The following CPVL variants were observed in gnomAD, a reference collection of about 807,000 sequenced individuals.
CPVL encodes the protein carboxypeptidase vitellogenic like, also known as probable serine carboxypeptidase CPVL.
A neutral mutation model predicts 63.7 loss-of-function variants in CPVL; 51 were observed. The ratio of observed to expected loss-of-function variants is 0.80; its 90% CI spans 0.64 to 1.01. CPVL has a LOEUF of 1.01. Among genes scored for constraint, CPVL ranks in the 50% least tolerant of loss-of-function variants. The pLI is 0.00. For missense variants in CPVL, 530 were observed against 573.1 expected (o/e 0.92, Z 0.77); for synonymous variants, 195 against 206.0 (o/e 0.95, Z 0.46).
At chr7:29,055,299 G>A (rs1188137893) in intron 11 of CPVL, among the ~76,000 whole-genome samples, 2 of 152,052 alleles carry the variant, frequency 1.3e-5, no homozygotes, top group Non-Finnish European at 2.9e-5. Context: ...ACCCAAACTG[G>A]AGTGCAGTGG....
At chr7:29,016,753 G>C (rs1446513546) in intron 12 of CPVL, among the ~76,000 whole-genome samples, 1 of 152,164 alleles carries the variant, frequency 6.6e-6, no homozygotes, top group Non-Finnish European at 1.5e-5. Context: ...AGCATGCAGT[G>C]ATCTTAAGTT....
At chr7:29,077,122 G>C (rs1038136118) in intron 7 of CPVL, among the ~76,000 whole-genome samples, 1 of 152,114 alleles carries the variant, frequency 6.6e-6, no homozygotes, top group African/African-American at 2.4e-5. Context: ...TTTCAAGGAA[G>C]GGAAAAAGAT....
chr7:29,154,871 G>A (rs957046088), intron 5 of CPVL, among the ~76,000 whole-genome samples: 8 of 152,122 alleles, frequency 5.3e-5, no homozygotes, highest in African/African-American at 1.7e-4. Flanking sequence ...AGACATACTC[G>A]AGACTGGGCA....
chr7:29,055,062 T>C (rs1790589659), intron 11 of CPVL, among the ~76,000 whole-genome samples: 2 of 152,212 alleles, frequency 1.3e-5, no homozygotes, highest in Non-Finnish European at 1.5e-5. Flanking sequence ...TTATCTCTCA[T>C]ATGTCCTATA....
intron 11 of CPVL, among the ~76,000 whole-genome samples, chr7:29,062,554 G>A (rs1315283159): frequency 6.6e-6 from 1 of 152,170 alleles, no homozygotes; most frequent in Admixed American, 6.5e-5. Context: ...ATGGTTACGT[G>A]TCCAACACTG....
At chr7:29,056,430 G>A (rs1164122140) in intron 11 of CPVL, among the ~76,000 whole-genome samples, 1 of 152,060 alleles carries the variant, frequency 6.6e-6, no homozygotes, top group East Asian at 1.9e-4. Context: ...ACATAGTTGG[G>A]ATCATACAGT....
chr7:29,091,974 T>A (rs1434053661), intron 6 of CPVL, among the ~76,000 whole-genome samples: 1 of 152,160 alleles, frequency 6.6e-6, no homozygotes, highest in African/African-American at 2.4e-5. Flanking sequence ...TAAATTATTA[T>A]AATACATAAA....
chr7:29,183,179 G>C (rs995814810), intron 4 of CPVL, among the ~76,000 whole-genome samples: 1 of 150,892 alleles, frequency 6.6e-6, no homozygotes, highest in Admixed American at 6.6e-5. Context: ...CCGCCTCCCA[G>C]GTTCAAGCGA....
chr7:29,077,900 T>C (rs1784377400), intron 7 of CPVL, among the ~76,000 whole-genome samples: 2 of 152,178 alleles, frequency 1.3e-5, no homozygotes, highest in Admixed American at 1.3e-4. Flanking sequence ...TAGGGCGACC[T>C]ACCTTGGCTT....
intron 1 of CPVL, among the ~76,000 whole-genome samples, chr7:29,129,164 T>C (rs959490459): frequency 4.6e-5 from 7 of 152,190 alleles, no homozygotes; most frequent in Middle Eastern, 3.2e-3. Flanking sequence ...GCCACTGTTA[T>C]AACCCAAGAG....
At chr7:29,165,798 C>T (rs1584510490) in intron 5 of CPVL, among the ~76,000 whole-genome samples, 1 of 151,944 alleles carries the variant, frequency 6.6e-6, no homozygotes, top group African/African-American at 2.4e-5. Context: ...TTGAGGTGAC[C>T]ATATGGTGTT....
At chr7:29,079,081 A>C (rs937084581) in intron 7 of CPVL, among the ~76,000 whole-genome samples, 2 of 152,210 alleles carry the variant, frequency 1.3e-5, no homozygotes, top group Non-Finnish European at 2.9e-5. Flanking sequence ...TACTCTATAA[A>C]ACTTAATGAT....
At chr7:29,103,643 G>A (rs1183162541) in intron 3 of CPVL, among the ~76,000 whole-genome samples, 1 of 152,090 alleles carries the variant, frequency 6.6e-6, no homozygotes, top group Non-Finnish European at 1.5e-5. Context: ...TTTTGGACCG[G>A]AAAGTCACTT....
At chr7:29,067,163 G>A (rs1449968885) in intron 9 of CPVL, among the ~76,000 whole-genome samples, 1 of 152,124 alleles carries the variant, frequency 6.6e-6, no homozygotes, top group African/African-American at 2.4e-5. Context: ...GCATTTTAGG[G>A]TATGAGAATC....
In CPVL at chr7:29,112,755, G is replaced by C. The variant is rs323182; in HGVS notation, c.237C>G (p.Thr79=). ...GGTTGCTGTTGTAAGTCTTATTCAC[G>C]GTGAGGAAGCCGGCATAACTCTTCA... ...LNMKSYAGFL[T]VNKTYNSNLF... is the part of the protein sequence containing the mutation. Residue 79 remains threonine, a synonymous_variant, in exon 3 of 13, where the codon ACC becomes ACG. Transcript: ENST00000265394. 2 of 1,613,282 alleles carry C rather than the reference G, an allele frequency of 1.2e-6. No homozygotes were observed. Among genetic ancestry groups the C allele is most frequent in the East Asian group, 2.2e-5 (1 of 44,852 alleles).
chr7:29,079,595 T>G (rs1784511090), intron 7 of CPVL, among the ~76,000 whole-genome samples: 1 of 152,228 alleles, frequency 6.6e-6, no homozygotes, highest in African/African-American at 2.4e-5. Flanking sequence ...CAATAAATAT[T>G]CTCTAGTAAA....
At chr7:29,110,071 T>G (rs1788103798) in intron 3 of CPVL, among the ~76,000 whole-genome samples, 1 of 152,204 alleles carries the variant, frequency 6.6e-6, no homozygotes, top group South Asian at 2.1e-4. Flanking sequence ...ATCTGATCTC[T>G]TCTCTCACCC....
At chr7:29,071,433 C>T (rs1046121717) in intron 9 of CPVL, among the ~76,000 whole-genome samples, 3 of 152,204 alleles carry the variant, frequency 2.0e-5, no homozygotes, top group African/African-American at 7.2e-5. Flanking sequence ...TATGCCTCTA[C>T]TTCCTGGGTT....
intron 6 of CPVL, among the ~76,000 whole-genome samples, chr7:29,092,290 A>C (rs888707816): frequency 2.0e-5 from 3 of 152,060 alleles, no homozygotes; most frequent in African/African-American, 7.2e-5. Context: ...AGAAGCAAAA[A>C]GTAAAAAATT....
Sources: gnomAD v4.1 joint callset for allele counts (sites outside exome capture counted in the v4.1 genomes callset) on GRCh38, gnomAD v4.1.1 for gene constraint, MANE v1.5 for transcripts, NCBI Gene and HGNC (gene_info 2026-07-23, HGNC 2026-07-21) for gene names.